Variants in CDH17 observed in about 807,000 individuals in gnomAD.
The protein encoded by CDH17 is cadherin-17.
Under a neutral mutation model 86.3 loss-of-function variants are expected in CDH17, and 67 were observed. The ratio of observed to expected loss-of-function variants is 0.78; its 90% CI spans 0.64 to 0.95. CDH17 has a LOEUF of 0.95. CDH17 is among the 40% of genes least tolerant of loss of function. CDH17 has a pLI of 0.00. For missense variants in CDH17, 993 were observed against 1,017.6 expected, an observed-to-expected ratio of 0.98 and a Z score of 0.33; for synonymous variants, 367 against 366.4, an observed-to-expected ratio of 1.00 and a Z score of -0.02.
At chr8:94,170,065 G>A (rs1813237216) in intron 9 of CDH17, among the ~76,000 whole-genome samples, 2 of 152,042 alleles carry the variant, frequency 1.3e-5, no homozygotes, top group Non-Finnish European at 1.5e-5. Flanking sequence ...ATAACGTATG[G>A]GGAAATCCTG....
chr8:94,199,669 G>C (rs2130679319), intron 1 of CDH17, among the ~76,000 whole-genome samples: 1 of 152,238 alleles, frequency 6.6e-6, no homozygotes, highest in African/African-American at 2.4e-5. Flanking sequence ...CTCACCGAGG[G>C]TTTCCAGTGG....
intron 2 of CDH17, among the ~76,000 whole-genome samples, chr8:94,194,368 T>G (rs1813740956): frequency 6.6e-6 from 1 of 152,244 alleles, no homozygotes; most frequent in Non-Finnish European, 1.5e-5. Flanking sequence ...TAGATAGATT[T>G]GTTTTCAACA....
At chr8:94,143,061 T>C (rs1283507006) in intron 15 of CDH17, among the ~76,000 whole-genome samples, 1 of 152,254 alleles carries the variant, frequency 6.6e-6, no homozygotes, top group Non-Finnish European at 1.5e-5. Context: ...CAATTTACTT[T>C]GCCCAGATCC....
At chr8:94,159,301 G>C (rs889523756) in intron 12 of CDH17, among the ~76,000 whole-genome samples, 2 of 152,178 alleles carry the variant, frequency 1.3e-5, no homozygotes, top group Non-Finnish European at 2.9e-5. Flanking sequence ...CTTACAGAGG[G>C]AGAGACAGAA....
At chr8:94,172,536 T>C (rs1813289597) in intron 7 of CDH17, among the ~76,000 whole-genome samples, 1 of 152,190 alleles carries the variant, frequency 6.6e-6, no homozygotes, top group Admixed American at 6.5e-5. Flanking sequence ...ACTGTCTCAG[T>C]TAATCTTCAC....
At chr8:94,206,792 C>T (rs1256946424) in intron 1 of CDH17, among the ~76,000 whole-genome samples, 1 of 151,942 alleles carries the variant, frequency 6.6e-6, no homozygotes. Flanking sequence ...TAGGTAAGTG[C>T]CATCATGCCT....
rs112928128 is a variant in CDH17 at position 94,170,755 on chromosome 8, T to A, written c.915+99A>T. On this transcript the variant is annotated intron_variant, in intron 8 of 17. Transcript: ENST00000027335. ...ATAATATGCTGGAGTCTGAAATGTG[T>A]GTTTTTTTTTTCTTTAAAGTAAAAT... 3.9e-3 allele frequency: 5,479 copies of A among 1,399,254 alleles called. 187 individuals are homozygous for A. In the African/African-American group the frequency reaches 0.068, roughly 17 times the overall value. The allele number at this position is 1,399,254 out of a possible 1,614,324, so 86.7% of individuals were successfully genotyped here. A position where few individuals can be genotyped will look rare whatever the true frequency, so the allele number is the denominator to read the frequency against.
At chr8:94,140,633 A>G (rs1426011307) in intron 15 of CDH17, among the ~76,000 whole-genome samples, 2 of 152,176 alleles carry the variant, frequency 1.3e-5, no homozygotes, top group African/African-American at 4.8e-5. Flanking sequence ...AATCAATGAA[A>G]CCAAAAGCTG....
intron 2 of CDH17, among the ~76,000 whole-genome samples, chr8:94,191,876 T>C (rs1813697277): frequency 6.6e-6 from 1 of 152,210 alleles, no homozygotes; most frequent in South Asian, 2.1e-4. Context: ...CATCTTTTCC[T>C]GTTCCATCAG....
At position 94,214,462 on chromosome 8, in the gene CDH17, A is replaced by G. The variant is rs549404201; in HGVS notation, c.-21+2736T>C. Among the ~76,000 whole-genome samples, 5 of 152,360 alleles carry G rather than the reference A, an allele frequency of 3.3e-5. No homozygotes were observed. The East Asian group carries it at 7.7e-4, about 23-fold the overall frequency. On this transcript the variant is annotated intron_variant, in intron 1 of 17. Transcript: ENST00000450165. ...GAAATTGATCTTCACATGCAAAACA[A>G]TGAAACTGGACCCTGACCTCACACC...
rs557089804 is a variant in CDH17, at chr8:94,155,943, G to A, written c.1552-3831C>T. Among the ~76,000 whole-genome samples the A allele has an allele frequency of 1.2e-4, 19 of 152,272 alleles. No homozygotes were observed. The South Asian group carries it at 3.1e-3, about 25-fold the overall frequency. ...ATCTTCTGGAGAAATCATTATAAACGGAAGATGCTAAATTAGCACATGGTA... is the reference window on the plus strand; with the variant it reads ...ATCTTCTGGAGAAATCATTATAAACAGAAGATGCTAAATTAGCACATGGTA... On this transcript the variant is annotated intron_variant, in intron 12 of 17. Coordinates refer to ENST00000027335, the MANE Select transcript of CDH17 (RefSeq NM_004063.4).
Position 94,177,632 on chromosome 8 carries a change from G to T in CDH17, c.240C>A (p.Tyr80Ter). The change falls in exon 4 of 18, where the codon TAC becomes TAA. Residue 80 changes from tyrosine to a stop codon, truncating the protein, a stop_gained. Transcript: ENST00000027335. LOFTEE classifies it high-confidence loss of function. ...TTGTTTCCCTGTCCAAGGCTCTGTT[G>T]TAATACAGAAGTCCCTCCCGTTCTA... ...FVIEREGLLY[Y>*]NRALDRETRS... 6.2e-7 allele frequency: 1 copy of T among 1,613,564 alleles called. No homozygotes were observed. The highest frequency in any genetic ancestry group is 8.5e-7 in the Non-Finnish European group (1 of 1,179,586).
chr8:94,199,060 T>C (rs1485910438), intron 1 of CDH17, among the ~76,000 whole-genome samples: 1 of 21,424 alleles, frequency 4.7e-5, no homozygotes, highest in Non-Finnish European at 1.3e-4. Context: ...TATATATATA[T>C]ATATATATAT....
At chr8:94,194,041 T>C (rs17727613) in intron 2 of CDH17, among the ~76,000 whole-genome samples, 26,346 of 151,906 alleles carry the variant, frequency 0.17, 2,577 homozygotes, top group Non-Finnish European at 0.21. Context: ...AGCAGTCACG[T>C]AGATTTTAAA....
chr8:94,143,589 T>G (rs66531215), intron 15 of CDH17, among the ~76,000 whole-genome samples: 32,155 of 152,236 alleles, frequency 0.21, 3,905 homozygotes, highest in African/African-American at 0.31. Flanking sequence ...GAAGGCTGTT[T>G]CATCTACATT....
intron 10 of CDH17, among the ~76,000 whole-genome samples, chr8:94,164,334 C>T (rs748251123): frequency 3.3e-5 from 5 of 152,148 alleles, no homozygotes; most frequent in Non-Finnish European, 7.3e-5. Flanking sequence ...CTCACATGTC[C>T]GTCTCTTCTA....
At chr8:94,130,422 A>G (rs1030366918) in intron 17 of CDH17, among the ~76,000 whole-genome samples, 1 of 152,232 alleles carries the variant, frequency 6.6e-6, no homozygotes, top group African/African-American at 2.4e-5. Flanking sequence ...TAAACTAATA[A>G]GGCAATAGAG....
chr8:94,163,290 G>A (rs1813092557), intron 10 of CDH17, among the ~76,000 whole-genome samples: 1 of 152,220 alleles, frequency 6.6e-6, no homozygotes, highest in African/African-American at 2.4e-5. Context: ...GGTTCCCTTT[G>A]CCCTCTGCAG....
intron 9 of CDH17, among the ~76,000 whole-genome samples, chr8:94,166,258 G>T (rs939502430): frequency 3.9e-5 from 6 of 152,182 alleles, no homozygotes; most frequent in Admixed American, 2.0e-4. Context: ...TGTTGCTGGG[G>T]TTGGTTTCTT....
Sources: allele counts gnomAD v4.1 joint callset (sites outside exome capture counted in the v4.1 genomes callset), GRCh38; gene constraint gnomAD v4.1.1; transcripts MANE v1.5; gene names NCBI Gene and HGNC (gene_info 2026-07-23, HGNC 2026-07-21).